ETNPPL: variants seen among roughly 807,000 people sequenced by gnomAD.
ETNPPL encodes the protein ethanolamine-phosphate phospho-lyase, also known as alanine--glyoxylate aminotransferase 2-like 1.
Under a neutral mutation model 55.5 loss-of-function variants are expected in ETNPPL, and 30 were observed. That is an observed-to-expected ratio of 0.54 (90% CI 0.40 to 0.73). ETNPPL has a LOEUF of 0.73. Ranked by LOEUF, ETNPPL falls within the 30% of genes least tolerant of loss-of-function variation. The pLI, the probability that ETNPPL is intolerant of heterozygous loss-of-function variation, is 0.00. For synonymous variants in ETNPPL, 202 were observed against 207.2 expected (o/e 0.98, Z 0.21); for missense variants, 528 against 607.9 (o/e 0.87, Z 1.38).
At position 108,762,953 on chromosome 4, in the gene ETNPPL, C is replaced by CT; in HGVS notation, c.-56dup. 6.4e-7 allele frequency: 1 copy of CT among 1,562,250 alleles called. No homozygotes were observed. The highest frequency in any genetic ancestry group is 1.4e-5 in the African/African-American group (1 of 73,790). On this transcript the variant is annotated 5_prime_UTR_variant, in exon 1 of 13. Transcript: ENST00000296486. ...GCAAGGTGCAAGGTCTGCGCGCCTC[C>CT]TACGCGAGCCTGGGACTGCCTTGGC...
At chr4:108,749,034 C>G (rs1394453516) in intron 8 of ETNPPL, among the ~76,000 whole-genome samples, 1 of 151,950 alleles carries the variant, frequency 6.6e-6, no homozygotes, top group Non-Finnish European at 1.5e-5. Context: ...GCACATTCTA[C>G]TCATGTATCC....
intron 5 of ETNPPL, among the ~76,000 whole-genome samples, chr4:108,753,791 A>AAT (rs1208876399): frequency 9.2e-6 from 1 of 108,864 alleles, no homozygotes; most frequent in Admixed American, 8.5e-5. Context: ...AAAGAAAGAA[A>AAT]GAAAGAAAGA....
intron 3 of ETNPPL, among the ~76,000 whole-genome samples, chr4:108,758,433 T>C (rs1027264228): frequency 2.0e-5 from 3 of 152,158 alleles, no homozygotes; most frequent in African/African-American, 7.2e-5. Flanking sequence ...AGAATGGATA[T>C]ATAATGATTT....
chr4:108,756,700 C>CT (rs1349859555), intron 3 of ETNPPL, among the ~76,000 whole-genome samples: 6 of 129,560 alleles, frequency 4.6e-5, no homozygotes, highest in African/African-American at 2.4e-4. Context: ...GCAGCGTGCG[C>CT]CTATAGTCTC....
Position 108,749,225 on chromosome 4 carries a change from G to A in ETNPPL, c.927+13C>T. 1 of 1,588,380 alleles carries A rather than the reference G, an allele frequency of 6.3e-7. No individual in the cohort carries two copies. The highest frequency in any genetic ancestry group is 1.1e-5 in the South Asian group (1 of 90,446). On this transcript the variant is annotated intron_variant, in intron 8 of 12. Transcript: ENST00000296486. ...TTTCCTTCTTAGCATTAAAGTTGGA[G>A]ACCAAAATGTACCGTATTAAAATAT...
At chr4:108,746,709 G>A in intron 10 of ETNPPL, 53 bp downstream of exon 10, 1 of 1,552,818 alleles carries the variant, frequency 6.4e-7, no homozygotes, top group Non-Finnish European at 8.9e-7. Flanking sequence ...CTTTCAAGTG[G>A]GTAGGCATCC....
At chr4:108,760,371 T>G (rs946576797) in intron 1 of ETNPPL, 65 bp from the exon 2 acceptor site, 2 of 836,546 alleles carry the variant, frequency 2.4e-6, no homozygotes, top group African/African-American at 3.3e-5. Flanking sequence ...TCCTTCTCAA[T>G]GAAGGTCCCC....
intron 1 of ETNPPL, 94 bp from the exon 2 acceptor site, chr4:108,760,400 T>C: frequency 1.6e-6 from 1 of 608,120 alleles, no homozygotes; most frequent in East Asian, 2.6e-5. Context: ...AAAAGTACAG[T>C]TACATAAAGG....
At chr4:108,762,489 G>A (rs773235119) in intron 1 of ETNPPL, 9 of 661,984 alleles carry the variant, frequency 1.4e-5, no homozygotes, top group Non-Finnish European at 1.9e-5. Flanking sequence ...GGGGGTGGCG[G>A]AGCGCTATCC....
Position 108,742,308 on chromosome 4 carries a change from C to A in ETNPPL, c.*176G>T, listed in dbSNP as rs1182356909. ...ACAGGCTAGAGTCTGAACTAATAAT[C>A]TTGACATGGTTTGATTATCACTTGG... On this transcript the variant is annotated 3_prime_UTR_variant, in exon 13 of 13. Coordinates refer to ENST00000296486, the MANE Select transcript of ETNPPL (RefSeq NM_031279.4). The A allele has an allele frequency of 1.8e-6, 1 of 552,760 alleles. No homozygotes were observed. Among genetic ancestry groups the A allele is most frequent in the East Asian group, 3.0e-5 (1 of 33,192 alleles). The allele number at this position is 552,760 out of a possible 1,614,324, so 34.2% of individuals were successfully genotyped here.
At chr4:108,751,703 T>C (rs1728921813) in intron 6 of ETNPPL, among the ~76,000 whole-genome samples, 1 of 152,188 alleles carries the variant, frequency 6.6e-6, no homozygotes, top group African/African-American at 2.4e-5. Flanking sequence ...TGACCTTGGG[T>C]TAAATCCTTC....
intron 1 of ETNPPL, chr4:108,762,508 C>T: frequency 9.0e-6 from 6 of 669,130 alleles, no homozygotes; most frequent in South Asian, 3.1e-5. Flanking sequence ...CCTTCTTCCA[C>T]CCATCTCCCA....
intron 7 of ETNPPL, among the ~76,000 whole-genome samples, chr4:108,750,118 T>C (rs1728826023): frequency 6.6e-6 from 1 of 152,120 alleles, no homozygotes; most frequent in Non-Finnish European, 1.5e-5. Context: ...TGTGTAATGG[T>C]TAATACTGAG....
In ETNPPL at chr4:108,756,409, A is replaced by C; in HGVS notation, c.410+9T>G. ...CTTCTTGCTTAAAAATCTTGTGTCC[A>C]AGACTTACTGGTCAAGAGTGATCAC... On this transcript the variant is annotated intron_variant, in intron 4 of 12. Coordinates refer to ENST00000296486, the MANE Select transcript of ETNPPL (RefSeq NM_031279.4). The C allele has an allele frequency of 6.2e-7, 1 of 1,609,376 alleles. No individual in the cohort carries two copies. The highest frequency in any genetic ancestry group is 8.5e-7 in the Non-Finnish European group (1 of 1,175,584).
At chr4:108,748,280 CT>C in intron 8 of ETNPPL, 121 bp from the exon 9 acceptor site, 1 of 621,204 alleles carries the variant, frequency 1.6e-6, no homozygotes, top group Non-Finnish European at 2.6e-6. Context: ...AAAATGTTCT[CT>C]TATAATATTA....
chr4:108,748,192 T>C (rs779492581), intron 8 of ETNPPL, 33 bp from the exon 9 acceptor site: 4 of 1,529,264 alleles, frequency 2.6e-6, no homozygotes, highest in Middle Eastern at 1.7e-4. Context: ...TGAGAAAATA[T>C]ACCAGTTGAA....
At chr4:108,748,398 G>A (rs1310514178) in intron 8 of ETNPPL, among the ~76,000 whole-genome samples, 1 of 152,162 alleles carries the variant, frequency 6.6e-6, no homozygotes, top group Non-Finnish European at 1.5e-5. Flanking sequence ...AGGACTACCA[G>A]TGATTTTATT....
chr4:108,757,360 C>T (rs189602638), intron 3 of ETNPPL, among the ~76,000 whole-genome samples: 1 of 152,242 alleles, frequency 6.6e-6, no homozygotes, highest in East Asian at 1.9e-4. Flanking sequence ...ACAAGTATTG[C>T]CATCTCCTTT....
intron 4 of ETNPPL, chr4:108,754,919 C>T (rs369092755): frequency 1.2e-5 from 6 of 482,044 alleles, no homozygotes; most frequent in East Asian, 1.1e-4. Flanking sequence ...TGTAATAAAA[C>T]TCATAGAAAG....
Sources: gnomAD v4.1 joint callset for allele counts (sites outside exome capture counted in the v4.1 genomes callset) on GRCh38, gnomAD v4.1.1 for gene constraint, MANE v1.5 for transcripts, NCBI Gene and HGNC (gene_info 2026-07-23, HGNC 2026-07-21) for gene names.